Variants in PKHD1L1 observed in about 807,000 individuals in gnomAD.
PKHD1L1 encodes fibrocystin-L.
A neutral mutation model predicts 462.9 loss-of-function variants in PKHD1L1; 434 were observed. That is an observed-to-expected ratio of 0.94 (90% CI 0.87 to 1.02). The LOEUF (loss-of-function observed/expected upper bound fraction) is 1.02. Among genes scored for constraint, PKHD1L1 ranks in the 50% least tolerant of loss-of-function variants. PKHD1L1 has a pLI of 0.00. For synonymous variants in PKHD1L1, 1,781 were observed against 1,750.0 expected, an observed-to-expected ratio of 1.02 and a Z score of -0.44; for missense variants, 5,202 against 5,096.1, an observed-to-expected ratio of 1.02 and a Z score of -0.63.
intron 50 of PKHD1L1, among the ~76,000 whole-genome samples, chr8:109,467,325 A>T (rs1406823589): frequency 1.3e-5 from 2 of 152,142 alleles, no homozygotes; most frequent in Non-Finnish European, 2.9e-5. Context: ...ATGTGGTGAA[A>T]ATCCTGAATC....
intron 28 of PKHD1L1, among the ~76,000 whole-genome samples, chr8:109,433,634 C>T (rs991137876): frequency 6.6e-6 from 1 of 152,114 alleles, no homozygotes; most frequent in Non-Finnish European, 1.5e-5. Context: ...TCCCATTGAA[C>T]CTCTCTCCAT....
chr8:109,407,150 G>A (rs1194987697), intron 17 of PKHD1L1, among the ~76,000 whole-genome samples: 1 of 152,098 alleles, frequency 6.6e-6, no homozygotes, highest in Non-Finnish European at 1.5e-5. Flanking sequence ...CTGAATGTGT[G>A]TGTGTTTACT....
intron 2 of PKHD1L1, among the ~76,000 whole-genome samples, chr8:109,366,424 A>G (rs545165044): frequency 6.6e-6 from 1 of 152,358 alleles, no homozygotes; most frequent in African/African-American, 2.4e-5. Flanking sequence ...AGAATAGAAT[A>G]GCGGTCATTG....
rs772025268 is a variant in PKHD1L1, at chr8:109,464,954, A to T, written c.8122A>T (p.Lys2708Ter). 8.1e-6 allele frequency: 13 copies of T among 1,613,744 alleles called. No homozygotes were observed. The highest frequency in any genetic ancestry group is 9.3e-6 in the Non-Finnish European group (11 of 1,179,822). Residue 2708 changes from lysine to a stop codon, truncating the protein, a stop_gained, in exon 49 of 78, where the codon AAA becomes TAA. Transcript: ENST00000378402. LOFTEE classifies it high-confidence loss of function. ...CAATGGAGCGGTGATTAAAAATGCC[A>T]AAATAGTCGGCCATCTTGATGAACT... ...ETNGAVIKNAKIVGHLDELGM... is the reference protein window; with the variant it reads ...ETNGAVIKNA
intron 44 of PKHD1L1, among the ~76,000 whole-genome samples, 151 bp downstream of exon 44, chr8:109,454,397 A>T (rs1333226501): frequency 6.6e-6 from 1 of 152,182 alleles, no homozygotes; most frequent in East Asian, 1.9e-4. Flanking sequence ...TCCTTTATGC[A>T]AGGAGAAAAG....
Position 109,396,019 on chromosome 8 carries a change from T to C in PKHD1L1, c.812-8T>C. 1.3e-6 allele frequency: 2 copies of C among 1,564,658 alleles called. No homozygotes were observed. Among genetic ancestry groups the C allele is most frequent in the Non-Finnish European group, 1.7e-6 (2 of 1,147,422 alleles). ...TATGATATTTTATTTAATGTGGTTT[T>C]CCCCCAGAGGTCACCATGATTTTCC... On this transcript the variant is annotated splice_polypyrimidine_tract_variant and splice_region_variant and intron_variant, in intron 10 of 77. Transcript: ENST00000378402.
At position 109,523,194 on chromosome 8, in the gene PKHD1L1, G is replaced by A. The variant is rs1407252525; in HGVS notation, c.12331-39G>A. The A allele has an allele frequency of 3.3e-6, 5 of 1,517,778 alleles. No individual in the cohort carries two copies. The African/African-American group carries it at 7.0e-5, about 21-fold the overall frequency. 94.0% of individuals were successfully genotyped at this position (1,517,778 alleles called of 1,614,324 possible). ...TATATTTTTAAAAGCATGGAAACAG[G>A]ACAATTGTTATAATTATCTACTTTT... is the stretch of plus-strand genomic sequence containing the variant. On this transcript the variant is annotated intron_variant, in intron 75 of 77. Transcript: ENST00000378402.
At chr8:109,449,633 C>T (rs140537619) in intron 40 of PKHD1L1, 146 bp downstream of exon 40, 2 of 601,326 alleles carry the variant, frequency 3.3e-6, no homozygotes, top group East Asian at 6.6e-5. Flanking sequence ...TTCTTCAGGA[C>T]ATTTTCTAGA....
intron 23 of PKHD1L1, among the ~76,000 whole-genome samples, chr8:109,424,600 A>C (rs1370964451): frequency 6.6e-6 from 1 of 152,164 alleles, no homozygotes; most frequent in African/African-American, 2.4e-5. Context: ...CTGAACATTA[A>C]ACAAGTATTT....
chr8:109,511,053 G>A (rs1020718566), intron 71 of PKHD1L1, 119 bp downstream of exon 71: 1 of 1,148,726 alleles, frequency 8.7e-7, no homozygotes, highest in African/African-American at 1.6e-5. Context: ...CATTTCCAAG[G>A]ATGCATCAGG....
At chr8:109,461,983 C>A in intron 48 of PKHD1L1, 75 bp downstream of exon 48, 2 of 1,466,108 alleles carry the variant, frequency 1.4e-6, no homozygotes. Flanking sequence ...TGAACTCCTG[C>A]TGTTTGTCAA....
At position 109,435,325 on chromosome 8, in the gene PKHD1L1, A is replaced by G. The variant is rs1333583184; in HGVS notation, c.3476A>G (p.His1159Arg). ...TTTGTTTATCAGAGTCAGATCTCAC[A>G]TATCTGGCCTGATTCTGGAAGCATA... ...FYFVYQSQIS[H>R]IWPDSGSIAG... The change falls in exon 29 of 78, where the codon CAT becomes CGT. Residue 1159 changes from histidine to arginine, a missense_variant. Transcript: ENST00000378402. 1.2e-6 allele frequency: 2 copies of G among 1,612,712 alleles called. No individual in the cohort carries two copies. Among genetic ancestry groups the G allele is most frequent in the African/African-American group, 1.3e-5 (1 of 74,866 alleles).
In PKHD1L1 at chr8:109,412,324, C is replaced by T. The variant is rs772633655; in HGVS notation, c.2145C>T (p.Ser715=). Residue 715 remains serine, a synonymous_variant, in exon 20 of 78, where the codon TCC becomes TCT. Transcript: ENST00000378402. ...AETDAYCGRY[S]LKNPAVLFDS... is the part of the protein sequence containing the mutation. ...CCGATGCTTACTGTGGTCGTTATTC[C>T]CTGAAAAACCCAGCTGTTCTTTTTG... The T allele has an allele frequency of 5.9e-5, 95 of 1,613,574 alleles. No individual in the cohort carries two copies. The highest frequency in any genetic ancestry group is 7.5e-5 in the Non-Finnish European group (89 of 1,179,748).
chr8:109,491,071 GACA>G lies in PKHD1L1; in HGVS notation c.10088_10090del (p.Asn3363del). On this transcript the variant is annotated inframe_deletion, in exon 61 of 78. Transcript: ENST00000378402. ...TGGGACAGATGGATTGGACATAGATGACAACATCATTCACTTTACAGTGGGGGA... is the reference window on the plus strand; with the variant it reads ...TGGGACAGATGGATTGGACATAGATGACATCATTCACTTTACAGTGGGGGA... The G allele has an allele frequency of 6.2e-7, 1 of 1,609,186 alleles. No homozygotes were observed. The highest frequency in any genetic ancestry group is 8.5e-7 in the Non-Finnish European group (1 of 1,176,598).
chr8:109,440,706 TCA>T lies in PKHD1L1; in HGVS notation c.3957-3_3957-2del, dbSNP rs747998506. ...TTGAAAAATCTATTCATTTTTTTTC[TCA>T]GAGACAAATTAAATTCTTCAATACA... is the stretch of plus-strand genomic sequence containing the variant. On this transcript the variant is annotated splice_acceptor_variant and splice_polypyrimidine_tract_variant and intron_variant, in intron 32 of 77. Transcript: ENST00000378402. LOFTEE classifies it high-confidence loss of function. The T allele has an allele frequency of 5.0e-6, 8 of 1,605,782 alleles. No individual in the cohort carries two copies. In the South Asian group the frequency reaches 8.9e-5, roughly 18 times the overall value.
In PKHD1L1 at chr8:109,439,077, G is replaced by A. The variant is rs61745556; in HGVS notation, c.3941G>A (p.Gly1314Asp). The A allele has an allele frequency of 4.3e-6, 7 of 1,612,726 alleles. No homozygotes were observed. Among genetic ancestry groups the A allele is most frequent in the Non-Finnish European group, 4.2e-6 (5 of 1,179,380 alleles). ...ATCTATGTAGAAGTCAGAAACTGGG[G>A]TTTTGCATCAACAAGGTATGATAAT... ...HDIYVEVRNW[G>D]FASTRDKLNS... The change falls in exon 32 of 78, where the codon GGT becomes GAT. Residue 1314 changes from glycine (G) to aspartate (D), a missense_variant. Physicochemically the swap from Gly to Asp is moderately conservative, Grantham distance 94. Around this residue, in one of 3 missense-constraint regions of PKHD1L1, gnomAD observed 4,497 missense variants for 4,336.8 expected, o/e 1.04. Coordinates refer to ENST00000378402, the MANE Select transcript of PKHD1L1 (RefSeq NM_177531.6).
At chr8:109,416,806 A>T (rs796101564) in intron 21 of PKHD1L1, among the ~76,000 whole-genome samples, 1 of 152,204 alleles carries the variant, frequency 6.6e-6, no homozygotes, top group Non-Finnish European at 1.5e-5. Context: ...CTTCATGCCC[A>T]ATTTGCTACA....
rs1328065666 is a variant in PKHD1L1 at position 109,476,677 on chromosome 8, A to G, written c.8917+10A>G. Reference sequence around the variant, plus strand: ...ACTCTATATTACTTGGGTATGTGTCATTAGGCAGAAATGATAGTTTATCTA... The same window carrying G: ...ACTCTATATTACTTGGGTATGTGTCGTTAGGCAGAAATGATAGTTTATCTA... On this transcript the variant is annotated intron_variant, in intron 52 of 77. Transcript: ENST00000378402. The G allele has an allele frequency of 1.9e-6, 3 of 1,576,464 alleles. No individual in the cohort carries two copies. Among genetic ancestry groups the G allele is most frequent in the Admixed American group, 3.8e-5 (2 of 52,182 alleles).
intron 37 of PKHD1L1, among the ~76,000 whole-genome samples, chr8:109,444,186 T>C (rs1586526452): frequency 6.6e-6 from 1 of 151,706 alleles, no homozygotes; most frequent in East Asian, 1.9e-4. Flanking sequence ...CAGCCTAAGG[T>C]GGTCTCTAAT....
Sources: allele counts gnomAD v4.1 joint callset (sites outside exome capture counted in the v4.1 genomes callset), GRCh38; gene constraint gnomAD v4.1.1; regional missense constraint gnomAD v4.1.1; transcripts MANE v1.5; gene names NCBI Gene and HGNC (gene_info 2026-07-23, HGNC 2026-07-21).